Variants in IFT140 observed in about 807,000 individuals in gnomAD.
The protein encoded by IFT140 is intraflagellar transport protein 140 homolog.
IFT140 carries 133 observed loss-of-function variants against 164.6 expected under a neutral mutation model. The observed-to-expected ratio is 0.81, with a 90% confidence interval of 0.70 to 0.93. The LOEUF (loss-of-function observed/expected upper bound fraction) is 0.93. Ranked by LOEUF, IFT140 falls within the 40% of genes least tolerant of loss-of-function variation. IFT140 has a pLI of 0.00. For missense variants in IFT140, 2,045 were observed against 1,972.3 expected, an observed-to-expected ratio of 1.04 and a Z score of -0.70; for synonymous variants, 860 against 817.3, an observed-to-expected ratio of 1.05 and a Z score of -0.89.
Position 1,525,288 on chromosome 16 carries a change from C to G in IFT140, c.2807G>C (p.Arg936Thr). 1 of 1,612,970 alleles carries G rather than the reference C, an allele frequency of 6.2e-7. No individual in the cohort carries two copies. The highest frequency in any genetic ancestry group is 8.5e-7 in the Non-Finnish European group (1 of 1,179,974). The change falls in exon 22 of 31, where the codon AGG becomes ACG. Residue 936 changes from arginine to threonine, a missense_variant. Transcript: ENST00000426508. Reference protein sequence around the residue: ...KSDTHRFEVPRMLSEDLPSLE... With the variant: ...KSDTHRFEVPTMLSEDLPSLE... ...GGACGGCAGGTCCTCCGACAGCATC[C>G]TGGGCACCTCGAAGCGGTGCGTGTC... is the stretch of plus-strand genomic sequence containing the variant.
At chr16:1,528,320 CAT>C (rs2029956240) in intron 19 of IFT140, among the ~76,000 whole-genome samples, 1 of 119,202 alleles carries the variant, frequency 8.4e-6, no homozygotes, top group East Asian at 2.3e-4. Flanking sequence ...CACACGCACG[CAT>C]GCACGCACGT....
At position 1,611,989 on chromosome 16, in the gene IFT140, C is replaced by T. The variant is rs1481369531; in HGVS notation, c.-243G>A. On this transcript the variant is annotated 5_prime_UTR_variant, in exon 1 of 31. In the 5' UTR this introduces an upstream ATG that the reference lacks. Transcript: ENST00000426508. The stretch of plus-strand genomic sequence containing the variant: ...TAACTGCCTCAGACGTGCTTCCACA[C>T]TTCTCAGAACTCAGGTTCGCGCCCG... The T allele has an allele frequency of 6.6e-6, 1 of 152,226 alleles. No homozygotes were observed. The highest frequency in any genetic ancestry group is 1.5e-5 in the Non-Finnish European group (1 of 68,056). The allele number at this position is 152,226 out of a possible 1,614,324, so 9.4% of individuals were successfully genotyped here.
rs777303822 is a variant in IFT140, at chr16:1,524,566, T to A, written c.3127A>T (p.Ile1043Phe). 1 of 1,611,794 alleles carries A rather than the reference T, an allele frequency of 6.2e-7. No individual in the cohort carries two copies. Among genetic ancestry groups the A allele is most frequent in the South Asian group, 1.1e-5 (1 of 90,940 alleles). The change falls in exon 24 of 31, where the codon ATC becomes TTC. Residue 1043 changes from isoleucine (I) to phenylalanine (F), a missense_variant. Physicochemically the swap from Ile to Phe is conservative, Grantham distance 21 (BLOSUM62 0). Coordinates refer to ENST00000426508, the MANE Select transcript of IFT140 (RefSeq NM_014714.4). Reference sequence around the variant, plus strand: ...GCCCGTGGTACCTTGCACAGGCGGATGGCATTCTTGAAGGCCTGTGCCCGG... The same window carrying A: ...GCCCGTGGTACCTTGCACAGGCGGAAGGCATTCTTGAAGGCCTGTGCCCGG... ...YTRAQAFKNA[I>F]RLCKENGLDD...
rs149837281 is a variant in IFT140, at chr16:1,520,696, C to G, written c.3566G>C (p.Arg1189Pro). ...DSSDLPEESR[R>P]ELLEQIADCC... Reference sequence around the variant, plus strand: ...GTCTGCTATCTGCTCCAGCAGCTCCCGCCGCGACTCCTCAGGCAGGTCCGA... The same window carrying G: ...GTCTGCTATCTGCTCCAGCAGCTCCGGCCGCGACTCCTCAGGCAGGTCCGA... Residue 1189 changes from arginine to proline, a missense_variant, in exon 27 of 31, where the codon CGG (arginine) becomes CCG (proline). Coordinates refer to ENST00000426508, the MANE Select transcript of IFT140 (RefSeq NM_014714.4). 1 of 1,610,986 alleles carries G rather than the reference C, an allele frequency of 6.2e-7. No individual in the cohort carries two copies. The highest frequency in any genetic ancestry group is 2.2e-5 in the East Asian group (1 of 44,834).
At chr16:1,577,177 G>A (rs1857941596) in intron 13 of IFT140, 1 of 152,168 alleles carries the variant, frequency 6.6e-6, no homozygotes, top group South Asian at 2.1e-4. Flanking sequence ...ACAAGAAAAC[G>A]TGGAATTGCT....
intron 6 of IFT140, 95 bp downstream of exon 6, chr16:1,592,081 T>C (rs1228987165): frequency 7.4e-7 from 1 of 1,348,420 alleles, no homozygotes; most frequent in East Asian, 2.3e-5. Context: ...TCACCGTTAC[T>C]GTTCTATGCA....
chr16:1,581,007 G>T (rs2034530286), intron 12 of IFT140, among the ~76,000 whole-genome samples, 157 bp from the exon 13 acceptor site: 1 of 152,170 alleles, frequency 6.6e-6, no homozygotes, highest in Non-Finnish European at 1.5e-5. Context: ...AGAAAATGAG[G>T]CTCTGAGGCA....
intron 19 of IFT140, chr16:1,552,844 A>G (rs8051909): frequency 0.33 from 116,643 of 352,706 alleles, 22,702 homozygotes; most frequent in African/African-American, 0.64. Context: ...TAGTAGAGAT[A>G]GGGTTTCACC....
intron 30 of IFT140, among the ~76,000 whole-genome samples, chr16:1,512,428 G>A (rs913910168): frequency 1.3e-5 from 2 of 152,158 alleles, no homozygotes; most frequent in African/African-American, 2.4e-5. Context: ...GCCAGGGAGC[G>A]TGTGCCTGGG....
At chr16:1,520,482 T>G in intron 27 of IFT140, 120 bp downstream of exon 27, 1 of 1,356,888 alleles carries the variant, frequency 7.4e-7, no homozygotes, top group African/African-American at 1.4e-5. Flanking sequence ...GTGCTCTTCC[T>G]GGCCAGAAAG....
chr16:1,600,770 C>T (rs990808264), intron 4 of IFT140, among the ~76,000 whole-genome samples: 2 of 151,886 alleles, frequency 1.3e-5, no homozygotes, highest in African/African-American at 2.4e-5. Flanking sequence ...ATGTCCTCTA[C>T]GTGATATTTC....
chr16:1,595,320 AT>A (rs1283090052), intron 4 of IFT140, among the ~76,000 whole-genome samples: 5 of 144,438 alleles, frequency 3.5e-5, no homozygotes, highest in African/African-American at 1.3e-4. Flanking sequence ...AATAAATAAA[AT>A]AAAGGAAACT....
At chr16:1,534,517 A>C in intron 19 of IFT140, 1 of 1,607,204 alleles carries the variant, frequency 6.2e-7, no homozygotes, top group Non-Finnish European at 8.5e-7. Flanking sequence ...TGGGGCTCCG[A>C]GGCAGCCGGC....
chr16:1,553,312 C>T lies in IFT140; in HGVS notation c.2399+4623G>A. 1.0e-6 allele frequency: 1 copy of T among 984,942 alleles called. No homozygotes were observed. The highest frequency in any genetic ancestry group is 1.2e-6 in the Non-Finnish European group (1 of 829,512). 61.0% of individuals were successfully genotyped at this position (984,942 alleles called of 1,614,324 possible). The stretch of plus-strand genomic sequence containing the variant: ...TCTGCCTGTCTCTCTGTGTCTCTGT[C>T]TCTGTGTCTCTGTCCCTGTGTCTCT... On this transcript the variant is annotated intron_variant, in intron 19 of 30. Transcript: ENST00000426508. The surrounding 1 kb of genome is among the most constrained non-coding windows in gnomAD (Gnocchi z 4.4).
At chr16:1,526,146 G>A (rs370203089) in intron 20 of IFT140, 69 bp from the exon 21 acceptor site, 95 of 1,415,074 alleles carry the variant, frequency 6.7e-5, no homozygotes, top group Admixed American at 2.7e-4. Flanking sequence ...ACTGTTCCAC[G>A]CCAGGCCACC....
intron 14 of IFT140, among the ~76,000 whole-genome samples, chr16:1,570,669 C>T (rs894247427): frequency 1.3e-5 from 2 of 152,220 alleles, no homozygotes; most frequent in African/African-American, 4.8e-5. Context: ...TTTCCCCCCA[C>T]ACCCTTTAGT....
At chr16:1,548,847 G>A (rs184659466) in intron 19 of IFT140, among the ~76,000 whole-genome samples, 220 of 152,352 alleles carry the variant, frequency 1.4e-3, no homozygotes, top group African/African-American at 5.0e-3. Context: ...GCAGCACAGC[G>A]AGGCATGTAG....
rs1266796035 is a variant in IFT140 at position 1,597,427 on chromosome 16, G to C, written c.370-4839C>G. On this transcript the variant is annotated intron_variant, in intron 4 of 30. Transcript: ENST00000426508. ...AGGAGCAGGCCGTCCTAACCTGGCC[G>C]TGCTCTCCTGGGAGACTGTGGGATA... Among the ~76,000 whole-genome samples the C allele has an allele frequency of 1.3e-5, 2 of 152,194 alleles. 1 individual carries two copies. Among genetic ancestry groups the C allele is most frequent in the Admixed American group, 1.3e-4 (2 of 15,282 alleles).
In IFT140 at chr16:1,564,528, G is replaced by A. The variant is rs1197154035; in HGVS notation, c.1902-366C>T. On this transcript the variant is annotated intron_variant, in intron 16 of 30. Coordinates refer to ENST00000426508, the MANE Select transcript of IFT140 (RefSeq NM_014714.4). This position sits in a 1 kb window ranked among gnomAD's most constrained non-coding sequence, Gnocchi z 5.5. ...ATGGCACCCCCTGCTGGGCGGGGTC[G>A]AGGCTTTGGCTCTGTGGTCATGCCG... 1.3e-5 allele frequency among the ~76,000 whole-genome samples: 2 copies of A among 152,170 alleles called. No homozygotes were observed. Among genetic ancestry groups the A allele is most frequent in the African/African-American group, 2.4e-5 (1 of 41,426 alleles).
Sources: gnomAD v4.1 joint callset for allele counts (sites outside exome capture counted in the v4.1 genomes callset) on GRCh38, gnomAD v4.1.1 for gene constraint, Gnocchi (gnomAD v3.1) non-coding constraint, MANE v1.5 for transcripts, NCBI Gene and HGNC (gene_info 2026-07-23, HGNC 2026-07-21) for gene names.